The following FILIP1L variants were observed in gnomAD, a reference collection of about 807,000 sequenced individuals.
The protein encoded by FILIP1L is filamin A interacting protein 1 like.
A neutral mutation model predicts 96.6 loss-of-function variants in FILIP1L; 55 were observed. The observed-to-expected ratio is 0.57, with a 90% CI of 0.46 to 0.71. FILIP1L has a LOEUF of 0.71. FILIP1L is among the 30% of genes least tolerant of loss of function. The pLI, the probability that FILIP1L is intolerant of heterozygous loss-of-function variation, is 0.00. For missense variants in FILIP1L, 1,304 were observed against 1,321.2 expected (o/e 0.99, Z 0.20); for synonymous variants, 467 against 473.9 (o/e 0.99, Z 0.19).
At chr3:100,089,109 A>G (rs922906512) in intron 1 of FILIP1L, among the ~76,000 whole-genome samples, 1 of 152,192 alleles carries the variant, frequency 6.6e-6, no homozygotes, top group Non-Finnish European at 1.5e-5. Context: ...CTACCAGTAA[A>G]GTATCCAAGA....
At chr3:99,872,492 T>G (rs1944850581) in intron 4 of FILIP1L, among the ~76,000 whole-genome samples, 1 of 151,866 alleles carries the variant, frequency 6.6e-6, no homozygotes, top group Non-Finnish European at 1.5e-5. Context: ...ACACAAGGAG[T>G]TGAGGTATGT....
intron 1 of FILIP1L, among the ~76,000 whole-genome samples, chr3:100,044,763 GA>G (rs1048738357): frequency 6.6e-6 from 1 of 152,186 alleles, no homozygotes; most frequent in African/African-American, 2.4e-5. Flanking sequence ...GTAGATGAGA[GA>G]AGGAAACCAA....
Position 99,930,918 on chromosome 3 carries a change from G to A in FILIP1L, c.103C>T (p.Gln35Ter). The A allele has an allele frequency of 1.2e-6, 2 of 1,613,522 alleles. No homozygotes were observed. The highest frequency in any genetic ancestry group is 1.7e-6 in the Non-Finnish European group (2 of 1,179,912). Reference protein sequence around the residue: ...FQGPKNMKHRQQDKDSPSESD... With the variant: ...FQGPKNMKHR Reference sequence around the variant, plus strand: ...TCACTGGGGGAGTCTTTGTCTTGCTGTCTATGCTTCATGTTTTTAGGCCCT... The same window carrying A: ...TCACTGGGGGAGTCTTTGTCTTGCTATCTATGCTTCATGTTTTTAGGCCCT... Residue 35 changes from glutamine to a stop codon, truncating the protein, a stop_gained, in exon 2 of 6, where the codon CAG becomes TAG. Transcript: ENST00000477258. LOFTEE classifies it high-confidence loss of function.
chr3:100,104,692 G>A (rs764588962), intron 1 of FILIP1L, among the ~76,000 whole-genome samples: 7 of 152,064 alleles, frequency 4.6e-5, no homozygotes, highest in Non-Finnish European at 7.4e-5. Context: ...AATTTGACCC[G>A]ATTGCTTTGG....
At chr3:100,079,802 C>T (rs1348739107) in intron 1 of FILIP1L, among the ~76,000 whole-genome samples, 1 of 151,882 alleles carries the variant, frequency 6.6e-6, no homozygotes, top group African/African-American at 2.4e-5. Context: ...TGCCTCATTA[C>T]TCTCATGATA....
intron 4 of FILIP1L, among the ~76,000 whole-genome samples, chr3:99,890,659 C>A (rs530207020): frequency 4.0e-5 from 6 of 151,380 alleles, no homozygotes; most frequent in African/African-American, 1.4e-4. Flanking sequence ...CCCAAAGTTT[C>A]TATTTGTTTT....
Position 99,874,024 on chromosome 3 carries a change from A to G in FILIP1L, c.606-22954T>C, listed in dbSNP as rs908992062. On this transcript the variant is annotated intron_variant, in intron 4 of 5. Coordinates refer to ENST00000477258, the MANE Select transcript of FILIP1L (RefSeq NM_001387850.1). ...TCATCCAAAGAGCCCAGTGTGAGAT[A>G]GGGTATCCATGATAAGTCATACTTA... is the stretch of plus-strand genomic sequence containing the variant. Among the ~76,000 whole-genome samples, 33 of 152,248 alleles carry G rather than the reference A, an allele frequency of 2.2e-4. 1 individual carries two copies. The highest frequency in any genetic ancestry group is 1.9e-3 in the Admixed American group (29 of 15,274).
intron 1 of FILIP1L, among the ~76,000 whole-genome samples, chr3:100,048,049 G>A (rs2065306127): frequency 6.6e-6 from 1 of 152,092 alleles, no homozygotes; most frequent in African/African-American, 2.4e-5. Context: ...AGTAGTAAGG[G>A]ACTGTCCCAG....
chr3:99,990,608 T>C (rs1709483497), intron 1 of FILIP1L, among the ~76,000 whole-genome samples: 1 of 152,166 alleles, frequency 6.6e-6, no homozygotes, highest in South Asian at 2.1e-4. Context: ...TTCTTGTGCT[T>C]CACTTAAAAC....
chr3:100,077,960 G>C (rs1294184374), intron 1 of FILIP1L, among the ~76,000 whole-genome samples: 2 of 152,006 alleles, frequency 1.3e-5, no homozygotes, highest in African/African-American at 4.8e-5. Context: ...AGGACACCCA[G>C]TTTCACTTAC....
intron 1 of FILIP1L, among the ~76,000 whole-genome samples, chr3:100,107,516 G>C (rs1196730366): frequency 1.3e-5 from 2 of 152,132 alleles, no homozygotes; most frequent in Admixed American, 1.3e-4. Flanking sequence ...TAATGCTTCA[G>C]TACAGTCTTT....
At chr3:99,843,030 G>C (rs936671183) in intron 5 of FILIP1L, among the ~76,000 whole-genome samples, 1 of 152,226 alleles carries the variant, frequency 6.6e-6, no homozygotes, top group African/African-American at 2.4e-5. Context: ...GGAAAGGAAA[G>C]GGCTTGAAGT....
At chr3:100,020,890 C>A (rs963698398) in intron 1 of FILIP1L, among the ~76,000 whole-genome samples, 3 of 149,470 alleles carry the variant, frequency 2.0e-5, no homozygotes, top group African/African-American at 4.9e-5. Flanking sequence ...GCCTTAGTCT[C>A]CCAAGTAGCT....
chr3:100,062,053 G>T (rs2065576096), intron 1 of FILIP1L, among the ~76,000 whole-genome samples: 1 of 136,410 alleles, frequency 7.3e-6, no homozygotes, highest in African/African-American at 2.8e-5. Flanking sequence ...GTAATACTTA[G>T]AGATCTGGAA....
At chr3:99,953,535 C>G (rs1490463697) in intron 1 of FILIP1L, among the ~76,000 whole-genome samples, 1 of 152,124 alleles carries the variant, frequency 6.6e-6, no homozygotes, top group Admixed American at 6.5e-5. Context: ...CCACGTTGGA[C>G]CATTTTACCT....
chr3:99,957,562 T>C (rs1055140070), intron 1 of FILIP1L, among the ~76,000 whole-genome samples: 13 of 152,182 alleles, frequency 8.5e-5, no homozygotes, highest in African/African-American at 3.1e-4. Context: ...ACTTCTTTAA[T>C]ACCGTAAACA....
chr3:99,883,967 G>A (rs1192229573), intron 4 of FILIP1L, among the ~76,000 whole-genome samples: 2 of 152,106 alleles, frequency 1.3e-5, no homozygotes, highest in Non-Finnish European at 2.9e-5. Context: ...AGTAAGATTT[G>A]GATTTAGGGG....
chr3:100,054,414 C>T (rs974625219), intron 1 of FILIP1L, among the ~76,000 whole-genome samples: 4 of 152,130 alleles, frequency 2.6e-5, no homozygotes, highest in South Asian at 2.1e-4. Context: ...GTGGCTGTCC[C>T]GTCAAGTGGA....
chr3:99,838,700 C>CA (rs1397226659), intron 5 of FILIP1L, among the ~76,000 whole-genome samples: 3 of 152,170 alleles, frequency 2.0e-5, no homozygotes, highest in Non-Finnish European at 4.4e-5. Flanking sequence ...TTTCACTCCT[C>CA]AGTTTTGTGA....
Sources: gnomAD v4.1 joint callset for allele counts (sites outside exome capture counted in the v4.1 genomes callset) on GRCh38, gnomAD v4.1.1 for gene constraint, MANE v1.5 for transcripts, NCBI Gene and HGNC (gene_info 2026-07-23, HGNC 2026-07-21) for gene names.